The following PIEZO2 variants were observed in gnomAD, a reference collection of about 807,000 sequenced individuals.
PIEZO2 encodes the protein piezo-type mechanosensitive ion channel component 2.
A neutral mutation model predicts 337.3 loss-of-function variants in PIEZO2; 172 were observed. That is an observed-to-expected ratio of 0.51 (90% confidence interval 0.45 to 0.58). The LOEUF (loss-of-function observed/expected upper bound fraction) is 0.58. Among genes scored for constraint, PIEZO2 ranks in the 20% least tolerant of loss-of-function variants. The probability of loss-of-function intolerance (pLI) is 0.00; values close to 1 mark genes in which losing one functional copy is unlikely to be tolerated. For synonymous variants in PIEZO2, 1,251 were observed against 1,228.5 expected (o/e 1.02, Z -0.38); for missense variants, 3,028 against 3,391.3 (o/e 0.89, Z 2.66).
intron 5 of PIEZO2, among the ~76,000 whole-genome samples, chr18:10,865,520 A>T (rs2041982466): frequency 6.6e-6 from 1 of 152,184 alleles, no homozygotes; most frequent in African/African-American, 2.4e-5. Context: ...AAAGGCCCCA[A>T]GAAATCCATG....
rs58924653 is a variant in PIEZO2 at position 11,045,295 on chromosome 18, C to CAAAAAAAA, written c.160+20824_160+20831dup. Among the ~76,000 whole-genome samples the CAAAAAAAA allele has an allele frequency of 5.9e-4, 31 of 52,340 alleles. 2 individuals are homozygous for CAAAAAAAA. Among genetic ancestry groups the CAAAAAAAA allele is most frequent in the African/African-American group, 1.5e-3 (23 of 15,214 alleles). The allele number at this position is 52,340 out of a possible 152,430, so 34.3% of individuals were successfully genotyped here. ...TGGGCGACAGAGTGAGACTCCGTCT[C>CAAAAAAAA]AAAAAAAAAAAAAAAAAAAAAAAAA... is the stretch of plus-strand genomic sequence containing the variant. On this transcript the variant is annotated intron_variant, in intron 2 of 55. Coordinates refer to ENST00000674853, the MANE Select transcript of PIEZO2 (RefSeq NM_001378183.1).
chr18:10,858,867 A>G (rs953766335), intron 5 of PIEZO2, among the ~76,000 whole-genome samples: 32 of 152,132 alleles, frequency 2.1e-4, no homozygotes, highest in African/African-American at 7.0e-4. Context: ...CTTGACTTCT[A>G]CTGTATTTCA....
chr18:11,018,877 G>T (rs1423737131), intron 2 of PIEZO2, among the ~76,000 whole-genome samples: 3 of 152,102 alleles, frequency 2.0e-5, no homozygotes, highest in African/African-American at 7.2e-5. Flanking sequence ...TGTCTAAAAT[G>T]AATCTCTTAA....
rs537031469 is a variant in PIEZO2, at chr18:10,853,431, C to T, written c.917+1922G>A. Among the ~76,000 whole-genome samples, 1 of 152,336 alleles carries T rather than the reference C, an allele frequency of 6.6e-6. No homozygotes were observed. The highest frequency in any genetic ancestry group is 2.1e-4 in the South Asian group (1 of 4,822). ...CCTGCTCCAAAACTTGCCTCAGTCTCTCCTGCCTTATGCACCTCAGTAGAA... is the reference window on the plus strand; with the variant it reads ...CCTGCTCCAAAACTTGCCTCAGTCTTTCCTGCCTTATGCACCTCAGTAGAA... On this transcript the variant is annotated intron_variant, in intron 7 of 55. Transcript: ENST00000674853. This position sits in a 1 kb window ranked among gnomAD's most constrained non-coding sequence, Gnocchi z 4.2.
In PIEZO2 at chr18:11,034,894, A is replaced by AG. The variant is rs1212866967; in HGVS notation, c.160+31232dup. Among the ~76,000 whole-genome samples, 10 of 152,302 alleles carry AG rather than the reference A, an allele frequency of 6.6e-5. No homozygotes were observed. In the East Asian group the frequency reaches 1.9e-3, roughly 29 times the overall value. On this transcript the variant is annotated intron_variant, in intron 2 of 55. Transcript: ENST00000674853. The stretch of plus-strand genomic sequence containing the variant: ...AAACCTCTCCCAGAATCAAGTATCC[A>AG]GCACTCATAATCGTTTTAAAATTGT...
Position 11,083,204 on chromosome 18 carries a change from G to A in PIEZO2, c.65-16982C>T, listed in dbSNP as rs2038809966. On this transcript the variant is annotated intron_variant, in intron 1 of 55. Transcript: ENST00000674853. The surrounding 1 kb of genome is among the most constrained non-coding windows in gnomAD (Gnocchi z 4.4). Reference sequence around the variant, plus strand: ...TCTCTTAGACAAATGTGAATATGCTGATTTTACAGATGAAGACTATAGGGC... The same window carrying A: ...TCTCTTAGACAAATGTGAATATGCTAATTTTACAGATGAAGACTATAGGGC... 6.6e-6 allele frequency among the ~76,000 whole-genome samples: 1 copy of A among 152,190 alleles called. No homozygotes were observed. The highest frequency in any genetic ancestry group is 2.1e-4 in the South Asian group (1 of 4,830).
In PIEZO2 at chr18:10,888,486, G is replaced by A. The variant is rs1209047622; in HGVS notation, c.330-17071C>T. 6.6e-6 allele frequency among the ~76,000 whole-genome samples: 1 copy of A among 152,098 alleles called. No individual in the cohort carries two copies. The highest frequency in any genetic ancestry group is 1.5e-5 in the Non-Finnish European group (1 of 68,012). On this transcript the variant is annotated intron_variant, in intron 4 of 55. Transcript: ENST00000674853. This position sits in a 1 kb window ranked among gnomAD's most constrained non-coding sequence, Gnocchi z 4.1. ...TGTGCACCCTGGTATTCAGAGCTGGGCACTTGGAGTAGCATTGTTACGGGG... is the reference window on the plus strand; with the variant it reads ...TGTGCACCCTGGTATTCAGAGCTGGACACTTGGAGTAGCATTGTTACGGGG...
chr18:11,026,074 G>A (rs533026288), intron 2 of PIEZO2, among the ~76,000 whole-genome samples: 2 of 152,244 alleles, frequency 1.3e-5, no homozygotes, highest in South Asian at 4.2e-4. Flanking sequence ...TTCAGATCAG[G>A]AGCACGCATT....
rs527847066 is a variant in PIEZO2, at chr18:11,082,439, T to C, written c.65-16217A>G. Among the ~76,000 whole-genome samples the C allele has an allele frequency of 7.9e-5, 12 of 151,938 alleles. No individual in the cohort carries two copies. In the East Asian group the frequency reaches 2.3e-3, roughly 30 times the overall value. On this transcript the variant is annotated intron_variant, in intron 1 of 55. Transcript: ENST00000674853. ...TTCATGCCATTCTCCTGCCTCAGCC[T>C]CCAGAGTAGCTGGGACTACAGGCAC...
At chr18:11,137,135 G>A (rs2040511290) in intron 1 of PIEZO2, among the ~76,000 whole-genome samples, 1 of 152,106 alleles carries the variant, frequency 6.6e-6, no homozygotes, top group Admixed American at 6.5e-5. Flanking sequence ...AGCAGGTGAG[G>A]GAGGATCATC....
At position 10,953,422 on chromosome 18, in the gene PIEZO2, T is replaced by C. The variant is rs2033382212; in HGVS notation, c.286+26113A>G. ...TGATTTGTTTTGAGTTAATTAATTT[T>C]TGTATATGGAGCAAATTAAGAATTT... On this transcript the variant is annotated intron_variant, in intron 3 of 55. Transcript: ENST00000674853. This position sits in a 1 kb window ranked among gnomAD's most constrained non-coding sequence, Gnocchi z 5.2. 6.6e-6 allele frequency among the ~76,000 whole-genome samples: 1 copy of C among 152,224 alleles called. No homozygotes were observed. The highest frequency in any genetic ancestry group is 2.1e-4 in the South Asian group (1 of 4,834).
In PIEZO2 at chr18:10,846,855, G is replaced by C. The variant is rs2041380946; in HGVS notation, c.917+8498C>G. On this transcript the variant is annotated intron_variant, in intron 7 of 55. Coordinates refer to ENST00000674853, the MANE Select transcript of PIEZO2 (RefSeq NM_001378183.1). The surrounding 1 kb of genome is among the most constrained non-coding windows in gnomAD (Gnocchi z 4.1). ...ATGGAATTGCTTTATGTGCACAGGG[G>C]AACTGCAGGCATGATGGGAGATAAG... 6.6e-6 allele frequency among the ~76,000 whole-genome samples: 1 copy of C among 152,158 alleles called. No homozygotes were observed. Among genetic ancestry groups the C allele is most frequent in the Non-Finnish European group, 1.5e-5 (1 of 68,024 alleles).
At chr18:10,840,208 A>G (rs894882812) in intron 7 of PIEZO2, among the ~76,000 whole-genome samples, 2 of 152,248 alleles carry the variant, frequency 1.3e-5, no homozygotes, top group East Asian at 3.8e-4. Flanking sequence ...GTCAAATACT[A>G]ACTTTATGAA....
At position 10,945,271 on chromosome 18, in the gene PIEZO2, C is replaced by T. The variant is rs1469654902; in HGVS notation, c.287-34043G>A. 6.6e-6 allele frequency among the ~76,000 whole-genome samples: 1 copy of T among 152,164 alleles called. No homozygotes were observed. The highest frequency in any genetic ancestry group is 1.5e-5 in the Non-Finnish European group (1 of 68,030). ...CATAGCTCACTGCAGCCTCAAACTC[C>T]TGTGCTCAGGGGATCCTCCCACCTC... On this transcript the variant is annotated intron_variant, in intron 3 of 55. Transcript: ENST00000674853. The surrounding 1 kb of genome is among the most constrained non-coding windows in gnomAD (Gnocchi z 4.0).
At chr18:10,752,369 A>G (rs1030617882) in intron 28 of PIEZO2, among the ~76,000 whole-genome samples, 13 of 152,244 alleles carry the variant, frequency 8.5e-5, no homozygotes, top group Admixed American at 7.2e-4. Context: ...CAGAATTTTA[A>G]TTAGTAAAAG....
intron 35 of PIEZO2, among the ~76,000 whole-genome samples, chr18:10,733,231 G>A (rs2036856680): frequency 2.0e-5 from 3 of 152,270 alleles, no homozygotes; most frequent in East Asian, 3.9e-4. Context: ...CATGAGAATT[G>A]AGGTATGCAA....
chr18:11,056,280 G>C (rs1435188406), intron 2 of PIEZO2, among the ~76,000 whole-genome samples: 1 of 152,160 alleles, frequency 6.6e-6, no homozygotes, highest in Admixed American at 6.5e-5. Flanking sequence ...AATTCCCAGG[G>C]AGGGATTTTG....
chr18:10,847,719 G>T lies in PIEZO2; in HGVS notation c.917+7634C>A, dbSNP rs899625302. Among the ~76,000 whole-genome samples the T allele has an allele frequency of 6.6e-6, 1 of 152,156 alleles. No homozygotes were observed. The highest frequency in any genetic ancestry group is 2.4e-5 in the African/African-American group (1 of 41,426). On this transcript the variant is annotated intron_variant, in intron 7 of 55. Coordinates refer to ENST00000674853, the MANE Select transcript of PIEZO2 (RefSeq NM_001378183.1). This position sits in a 1 kb window ranked among gnomAD's most constrained non-coding sequence, Gnocchi z 5.7. ...TTGGGGCACCTAACTCTACCTTTCA[G>T]ATAAGCATAAATGAACTCTGAATGA...
intron 13 of PIEZO2, among the ~76,000 whole-genome samples, chr18:10,792,794 G>A (rs1231284377): frequency 1.3e-5 from 2 of 152,140 alleles, no homozygotes; most frequent in Non-Finnish European, 2.9e-5. Context: ...AATGAACCTA[G>A]GACTGGAATT....
Sources: gnomAD v4.1 joint callset for allele counts (sites outside exome capture counted in the v4.1 genomes callset) on GRCh38, gnomAD v4.1.1 for gene constraint, Gnocchi (gnomAD v3.1) non-coding constraint, MANE v1.5 for transcripts, NCBI Gene and HGNC (gene_info 2026-07-23, HGNC 2026-07-21) for gene names.